IFFO2: variants seen among roughly 807,000 people sequenced by gnomAD.
IFFO2 encodes intermediate filament family orphan 2.
Under a neutral mutation model 53.5 loss-of-function variants are expected in IFFO2, and 19 were observed. The ratio of observed to expected loss-of-function variants is 0.36; its 90% CI spans 0.25 to 0.52. The LOEUF (loss-of-function observed/expected upper bound fraction) is 0.52. Ranked by LOEUF, IFFO2 falls within the 20% of genes least tolerant of loss-of-function variation. IFFO2 has a pLI of 0.94. For synonymous variants in IFFO2, 303 were observed against 313.6 expected, an observed-to-expected ratio of 0.97 and a Z score of 0.36; for missense variants, 570 against 727.4, an observed-to-expected ratio of 0.78 and a Z score of 2.49.
At chr1:18,912,143 AG>A in intron 5 of IFFO2, 60 bp from the exon 6 acceptor site, 1 of 1,545,768 alleles carries the variant, frequency 6.5e-7, no homozygotes, top group Non-Finnish European at 8.7e-7. Context: ...GGACCCATAC[AG>A]GGGACAGAAA....
At chr1:18,925,064 C>A (rs1936264452) in intron 1 of IFFO2, among the ~76,000 whole-genome samples, 1 of 152,114 alleles carries the variant, frequency 6.6e-6, no homozygotes, top group Non-Finnish European at 1.5e-5. Context: ...CATAAAACTT[C>A]CAAATCCTTC....
At chr1:18,945,739 C>T (rs1020917782) in intron 1 of IFFO2, among the ~76,000 whole-genome samples, 6 of 152,256 alleles carry the variant, frequency 3.9e-5, no homozygotes, top group African/African-American at 9.6e-5. Context: ...AAGGCCCAAA[C>T]GCCATTCGAT....
chr1:18,922,653 C>G (rs982706197), intron 1 of IFFO2, among the ~76,000 whole-genome samples: 2 of 152,076 alleles, frequency 1.3e-5, no homozygotes, highest in South Asian at 2.1e-4. Flanking sequence ...CTCCCGGGCC[C>G]GGACCTGGAG....
Position 18,955,802 on chromosome 1 carries a change from G to T in IFFO2, c.531C>A (p.Thr177=). 6.5e-7 allele frequency: 1 copy of T among 1,534,272 alleles called. No homozygotes were observed. Among genetic ancestry groups the T allele is most frequent in the Non-Finnish European group, 8.7e-7 (1 of 1,147,002 alleles). ...VRRTGGGGVE[T]VQGPGVSWVH... ...CCCACGACACGCCGGGGCCCTGCAC[G>T]GTCTCCACGCCGCCGCCGCCCGTGC... is the stretch of plus-strand genomic sequence containing the variant. Residue 177 remains threonine, a synonymous_variant, in exon 1 of 9, where the codon ACC becomes ACA. Transcript: ENST00000455833.
At chr1:18,914,824 A>C (rs1323708120) in intron 5 of IFFO2, among the ~76,000 whole-genome samples, 1 of 121,998 alleles carries the variant, frequency 8.2e-6, no homozygotes. Context: ...CTCCATCTCA[A>C]AAAAAAAAAA....
chr1:18,918,393 C>A lies in IFFO2; in HGVS notation c.932G>T (p.Arg311Leu). ...TAKLCDVAQQ[R>L]NSEDVSKIFQ... ...GATCTTGGACACGTCTTCTGAGTTC[C>A]GCTGCTGTGCGACATCGCACAGCTT... The change falls in exon 4 of 9, where the codon CGG (arginine) becomes CTG (leucine). Residue 311 changes from arginine (R) to leucine (L), a missense_variant. Physicochemically the swap from Arg to Leu is moderately radical, Grantham distance 102. Transcript: ENST00000455833. This position sits in a 1 kb window ranked among gnomAD's most constrained non-coding sequence, Gnocchi z 5.2. 2 of 1,552,756 alleles carry A rather than the reference C, an allele frequency of 1.3e-6. No individual in the cohort carries two copies. Among genetic ancestry groups the A allele is most frequent in the South Asian group, 2.4e-5 (2 of 84,080 alleles).
intron 1 of IFFO2, among the ~76,000 whole-genome samples, chr1:18,938,595 C>G (rs991853044): frequency 4.6e-5 from 7 of 152,204 alleles, no homozygotes; most frequent in African/African-American, 1.7e-4. Context: ...GGGGGAAGCC[C>G]AGCTCTGCCT....
intron 1 of IFFO2, among the ~76,000 whole-genome samples, chr1:18,921,970 C>T (rs1229112229): frequency 6.6e-6 from 1 of 152,172 alleles, no homozygotes; most frequent in African/African-American, 2.4e-5. Context: ...GAACCACCTT[C>T]ACTGGGACTT....
intron 1 of IFFO2, among the ~76,000 whole-genome samples, chr1:18,930,207 G>A (rs1936356199): frequency 6.6e-6 from 1 of 152,220 alleles, no homozygotes; most frequent in Non-Finnish European, 1.5e-5. Flanking sequence ...GCCCAGAATA[G>A]TGCCTGGTCT....
At chr1:18,912,724 A>C (rs2100642709) in intron 5 of IFFO2, among the ~76,000 whole-genome samples, 1 of 152,236 alleles carries the variant, frequency 6.6e-6, no homozygotes, top group Admixed American at 6.5e-5. Flanking sequence ...CTATGAGGTA[A>C]GCATAACTAT....
Position 18,916,899 on chromosome 1 carries a change from TCA to T in IFFO2, c.1103+2_1103+3del. 1 of 1,551,730 alleles carries T rather than the reference TCA, an allele frequency of 6.4e-7. No individual in the cohort carries two copies. The highest frequency in any genetic ancestry group is 8.7e-7 in the Non-Finnish European group (1 of 1,146,986). ...GAGAGTGTGCGGGCCACGGGGATACTCACAGCTGGTTAAACATGCGCTTCATC... is the reference window on the plus strand; with the variant it reads ...GAGAGTGTGCGGGCCACGGGGATACTCAGCTGGTTAAACATGCGCTTCATC... On this transcript the variant is annotated splice_donor_variant and splice_donor_region_variant and intron_variant, in intron 5 of 8. Transcript: ENST00000455833. LOFTEE classifies it high-confidence loss of function. The surrounding 1 kb of genome is among the most constrained non-coding windows in gnomAD (Gnocchi z 4.3).
rs71030110 is a variant in IFFO2, at chr1:18,911,507, TTTTATTTATTTATTTATTTA to T, written c.1225-51_1225-32del. 17 of 527,964 alleles carry T rather than the reference TTTTATTTATTTATTTATTTA, an allele frequency of 3.2e-5. 1 individual carries two copies. The highest frequency in any genetic ancestry group is 2.8e-4 in the South Asian group (7 of 24,786). 32.7% of individuals were successfully genotyped at this position (527,964 alleles called of 1,614,324 possible). On this transcript the variant is annotated intron_variant, in intron 6 of 8. Coordinates refer to ENST00000455833, the MANE Select transcript of IFFO2 (RefSeq NM_001136265.2). The stretch of plus-strand genomic sequence containing the variant: ...GAAATAGAACAAACGGGACAGTTTA[TTTTATTTATTTATTTATTTA>T]TTTATTTATTTATTTATTTATTTAT...
At position 18,918,289 on chromosome 1, in the gene IFFO2, C is replaced by A. The variant is rs544729773; in HGVS notation, c.963+73G>T. 6.9e-5 allele frequency: 101 copies of A among 1,471,768 alleles called. No individual in the cohort carries two copies. The East Asian group carries it at 2.5e-3, about 36-fold the overall frequency. The allele number at this position is 1,471,768 out of a possible 1,614,324, so 91.2% of individuals were successfully genotyped here. A position where few individuals can be genotyped will look rare whatever the true frequency, so the allele number is the denominator to read the frequency against. ...GGGATGTGGAGGCAAACGGGTTGGC[C>A]GGGCAGGGGTGGAGGCCAGGGCTGC... On this transcript the variant is annotated intron_variant, in intron 4 of 8. Transcript: ENST00000455833. This position sits in a 1 kb window ranked among gnomAD's most constrained non-coding sequence, Gnocchi z 5.2.
At position 18,906,657 on chromosome 1, in the gene IFFO2, T is replaced by G. The variant is rs1328561726; in HGVS notation, c.*1904A>C. The G allele has an allele frequency of 6.6e-6, 1 of 152,172 alleles. No homozygotes were observed. Among genetic ancestry groups the G allele is most frequent in the Non-Finnish European group, 1.5e-5 (1 of 68,030 alleles). 9.4% of individuals were successfully genotyped at this position (152,172 alleles called of 1,614,324 possible). ...CAGGTATGTTTGAACCCTGTAACCT[T>G]TAGAACAAGGGTGAGTGAGGAGAGA... On this transcript the variant is annotated 3_prime_UTR_variant, in exon 9 of 9. Coordinates refer to ENST00000455833, the MANE Select transcript of IFFO2 (RefSeq NM_001136265.2).
intron 2 of IFFO2, among the ~76,000 whole-genome samples, chr1:18,920,541 G>T (rs747422595): frequency 1.3e-5 from 2 of 152,260 alleles, no homozygotes; most frequent in Admixed American, 6.5e-5. Context: ...CACCGCAGGT[G>T]GGGGAGTTGC....
At chr1:18,924,354 C>G (rs191971510) in intron 1 of IFFO2, among the ~76,000 whole-genome samples, 2 of 151,922 alleles carry the variant, frequency 1.3e-5, no homozygotes, top group Non-Finnish European at 2.9e-5. Flanking sequence ...CACCAGCTTC[C>G]CAAGCACAAC....
chr1:18,910,344 G>C lies in IFFO2; in HGVS notation c.1446C>G (p.Asp482Glu), dbSNP rs749586601. The C allele has an allele frequency of 2.5e-6, 4 of 1,606,736 alleles. No individual in the cohort carries two copies. In the East Asian group the frequency reaches 6.7e-5, roughly 27 times the overall value. The stretch of plus-strand genomic sequence containing the variant: ...CCCCTGGGAGGATGGGCGGGTACCT[G>C]TCTGCGGAGCCTTTGATGAGCCGGC... The part of the protein sequence containing the change: ...TCRRLIKGSA[D>E]RNSPSPSSVA... Residue 482 changes from aspartate to glutamate, a missense_variant and splice_region_variant, in exon 8 of 9, where the codon GAC becomes GAG. Transcript: ENST00000455833.
chr1:18,912,205 C>T (rs1449412092), intron 5 of IFFO2, 122 bp from the exon 6 acceptor site: 1 of 1,223,974 alleles, frequency 8.2e-7, no homozygotes, highest in Non-Finnish European at 1.1e-6. Flanking sequence ...TCAGGAAAGA[C>T]AGGGGTAGTA....
At chr1:18,934,706 T>A (rs1055751746) in intron 1 of IFFO2, among the ~76,000 whole-genome samples, 2 of 152,248 alleles carry the variant, frequency 1.3e-5, no homozygotes, top group Non-Finnish European at 2.9e-5. Context: ...CTTTTTCTTA[T>A]GAGATTTTCT....
Sources: allele counts gnomAD v4.1 joint callset (sites outside exome capture counted in the v4.1 genomes callset), GRCh38; gene constraint gnomAD v4.1.1; non-coding constraint Gnocchi (gnomAD v3.1); transcripts MANE v1.5; gene names NCBI Gene and HGNC (gene_info 2026-07-23, HGNC 2026-07-21).